Variants in SHANK1 observed in about 807,000 individuals in gnomAD.
SHANK1 encodes the protein SH3 and multiple ankyrin repeat domains 1, also known as SH3 and multiple ankyrin repeat domains protein 1.
In SHANK1, 35 loss-of-function variants were observed where a neutral mutation model predicts 165.6. The observed-to-expected ratio is 0.21, with a 90% CI of 0.16 to 0.28. SHANK1 has a LOEUF of 0.28. Ranked by LOEUF, SHANK1 falls within the 10% of genes least tolerant of loss-of-function variation. The probability of loss-of-function intolerance (pLI) is 1.00; values close to 1 mark genes in which losing one functional copy is unlikely to be tolerated. For missense variants in SHANK1, 2,681 were observed against 3,036.4 expected (o/e 0.88, Z 2.75); for synonymous variants, 1,428 against 1,384.8 (o/e 1.03, Z -0.69).
Position 50,660,053 on chromosome 19 carries a change from G to A in SHANK1, c.*1912C>T, listed in dbSNP as rs1201539731. Among the ~76,000 whole-genome samples, 1 of 151,398 alleles carries A rather than the reference G, an allele frequency of 6.6e-6. No homozygotes were observed. Among genetic ancestry groups the A allele is most frequent in the Non-Finnish European group, 1.5e-5 (1 of 67,748 alleles). ...GGAGCGCCCCCCCCTCTCGGGGGTA[G>A]GGGGCAGCAGAGGGGGAATGGGCTT... is the stretch of plus-strand genomic sequence containing the variant. On this transcript the variant is annotated 3_prime_UTR_variant, in exon 24 of 24. Coordinates refer to ENST00000293441, the MANE Select transcript of SHANK1 (RefSeq NM_016148.5).
rs1293554768 is a variant in SHANK1, at chr19:50,659,656, TC to T, written c.*2308del. ...TTCTAGGGGTTTTGTGTTTTTTTTT[TC>T]TGTTTTTTATATTTTCTTCTTTTGT... On this transcript the variant is annotated 3_prime_UTR_variant, in exon 24 of 24. Transcript: ENST00000293441. Among the ~76,000 whole-genome samples the T allele has an allele frequency of 6.6e-6, 1 of 150,940 alleles. No individual in the cohort carries two copies. The highest frequency in any genetic ancestry group is 6.6e-5 in the Admixed American group (1 of 15,166).
At position 50,676,790 on chromosome 19, in the gene SHANK1, C is replaced by T. The variant is rs116190865; in HGVS notation, c.2578-4676G>A. Among the ~76,000 whole-genome samples, 116 of 152,306 alleles carry T rather than the reference C, an allele frequency of 7.6e-4. 1 individual carries two copies. The highest frequency in any genetic ancestry group is 2.8e-3 in the African/African-American group (115 of 41,558). On this transcript the variant is annotated intron_variant, in intron 21 of 23. Coordinates refer to ENST00000293441, the MANE Select transcript of SHANK1 (RefSeq NM_016148.5). ...TTATTTGGCACCTTTTGAGAGACTA[C>T]ACTTCCCAGCTTCCTTTGCAGCTAG...
chr19:50,701,277 G>A (rs1986907342), intron 12 of SHANK1, among the ~76,000 whole-genome samples: 1 of 149,870 alleles, frequency 6.7e-6, no homozygotes, highest in Non-Finnish European at 1.5e-5. Flanking sequence ...CGCCTCCCGG[G>A]TTCAAGCAAT....
At position 50,688,668 on chromosome 19, in the gene SHANK1, G is replaced by C. The variant is rs543862601; in HGVS notation, c.2172+176C>G. Among the ~76,000 whole-genome samples, 26 of 152,304 alleles carry C rather than the reference G, an allele frequency of 1.7e-4. No individual in the cohort carries two copies. In the East Asian group the frequency reaches 3.3e-3, roughly 19 times the overall value. On this transcript the variant is annotated intron_variant, in intron 17 of 23. Coordinates refer to ENST00000293441, the MANE Select transcript of SHANK1 (RefSeq NM_016148.5). This position sits in a 1 kb window ranked among gnomAD's most constrained non-coding sequence, Gnocchi z 6.7. ...TGTGTCACTCTTTTGAGATGCCTCAGAGGCCTTTAGATGGAATCGCTGGGG... is the reference window on the plus strand; with the variant it reads ...TGTGTCACTCTTTTGAGATGCCTCACAGGCCTTTAGATGGAATCGCTGGGG...
At chr19:50,687,900 T>C in intron 18 of SHANK1, 23 bp downstream of exon 18, 1 of 1,613,520 alleles carries the variant, frequency 6.2e-7, no homozygotes, top group Non-Finnish European at 8.5e-7. Context: ...GTGGGGTGGC[T>C]GCGAGAGTGG....
In SHANK1 at chr19:50,697,181, C is replaced by T. The variant is rs946288538; in HGVS notation, c.1938-59G>A. ...GGAAAGGTGTCAGTGCACCCATCTC[C>T]TCACCCCAATCCCACCCAGCCCTGA... On this transcript the variant is annotated intron_variant, in intron 14 of 23. Transcript: ENST00000293441. This position sits in a 1 kb window ranked among gnomAD's most constrained non-coding sequence, Gnocchi z 4.7. The T allele has an allele frequency of 1.9e-4, 307 of 1,613,746 alleles. No homozygotes were observed. The highest frequency in any genetic ancestry group is 2.5e-4 in the Non-Finnish European group (300 of 1,179,850).
rs1986494924 is a variant in SHANK1 at position 50,690,066 on chromosome 19, T to G, written c.1965-787A>C. Among the ~76,000 whole-genome samples the G allele has an allele frequency of 6.6e-6, 1 of 152,186 alleles. No individual in the cohort carries two copies. The highest frequency in any genetic ancestry group is 2.1e-4 in the South Asian group (1 of 4,830). On this transcript the variant is annotated intron_variant, in intron 15 of 23. Transcript: ENST00000293441. This position sits in a 1 kb window ranked among gnomAD's most constrained non-coding sequence, Gnocchi z 4.9. ...TGCACATGGCTGGTGGCCACCACATTGGACAGTACAGATATAGAACATTTC... is the reference window on the plus strand; with the variant it reads ...TGCACATGGCTGGTGGCCACCACATGGGACAGTACAGATATAGAACATTTC...
intron 23 of SHANK1, among the ~76,000 whole-genome samples, chr19:50,663,379 G>A (rs992799554): frequency 6.6e-6 from 1 of 152,038 alleles, no homozygotes; most frequent in South Asian, 2.1e-4. Flanking sequence ...CTCCAGCACT[G>A]TCCCACCTCA....
intron 23 of SHANK1, among the ~76,000 whole-genome samples, chr19:50,665,879 C>CA (rs1347441135): frequency 6.7e-6 from 1 of 150,084 alleles, no homozygotes; most frequent in Non-Finnish European, 1.5e-5. Flanking sequence ...ACTAAAAATA[C>CA]AAAATTAGCT....
In SHANK1 at chr19:50,667,820, G is replaced by A; in HGVS notation, c.4140C>T (p.Pro1380=). The change falls in exon 23 of 24, where the codon CCC becomes CCT. Residue 1380 remains proline (P), a synonymous_variant. Transcript: ENST00000293441. This position sits in a 1 kb window ranked among gnomAD's most constrained non-coding sequence, Gnocchi z 5.7. The part of the protein sequence containing the change: ...GGGAPQPPPR[P]PSPRYEAPPP... ...GCGGGGCCTCGTAGCGGGGCGATGG[G>A]GGCCTGGGAGGCGGCTGGGGGGCCC... 1 of 1,297,510 alleles carries A rather than the reference G, an allele frequency of 7.7e-7. No homozygotes were observed. The highest frequency in any genetic ancestry group is 4.2e-5 in the Admixed American group (1 of 23,872). The allele number at this position is 1,297,510 out of a possible 1,614,324, so 80.4% of individuals were successfully genotyped here.
At chr19:50,665,817 T>A (rs1211340736) in intron 23 of SHANK1, among the ~76,000 whole-genome samples, 1 of 148,734 alleles carries the variant, frequency 6.7e-6, no homozygotes, top group South Asian at 2.1e-4. Context: ...ATGGATCACC[T>A]GAGGTTGGGA....
intron 21 of SHANK1, among the ~76,000 whole-genome samples, chr19:50,681,274 CT>C (rs1230456018): frequency 1.3e-5 from 2 of 151,968 alleles, no homozygotes; most frequent in African/African-American, 4.8e-5. Flanking sequence ...AGAGGGGGAC[CT>C]GGAGAAGGCC....
chr19:50,686,362 G>T lies in SHANK1; in HGVS notation c.2459-7C>A. On this transcript the variant is annotated splice_polypyrimidine_tract_variant and splice_region_variant and intron_variant, in intron 20 of 23. Transcript: ENST00000293441. This position sits in a 1 kb window ranked among gnomAD's most constrained non-coding sequence, Gnocchi z 5.7. The stretch of plus-strand genomic sequence containing the variant: ...AGGATTTCGTCCAGTTTGTCTAGGG[G>T]TAGATGAATGAACAGAGGTGGGAAG... 1 of 1,565,698 alleles carries T rather than the reference G, an allele frequency of 6.4e-7. No homozygotes were observed. Among genetic ancestry groups the T allele is most frequent in the African/African-American group, 1.4e-5 (1 of 73,336 alleles).
Position 50,713,773 on chromosome 19 carries a change from G to T in SHANK1, c.792+25C>A. On this transcript the variant is annotated intron_variant, in intron 6 of 23. Coordinates refer to ENST00000293441, the MANE Select transcript of SHANK1 (RefSeq NM_016148.5). This position sits in a 1 kb window ranked among gnomAD's most constrained non-coding sequence, Gnocchi z 6.2. ...AAAAGGAGAGAGGGCCCCATGGCGG[G>T]GATGGGGGGTCCCCGAAGCCTCACC... 1 of 1,610,384 alleles carries T rather than the reference G, an allele frequency of 6.2e-7. No homozygotes were observed. Among genetic ancestry groups the T allele is most frequent in the East Asian group, 2.2e-5 (1 of 44,830 alleles).
Position 50,686,890 on chromosome 19 carries a change from C to T in SHANK1, c.2390-78G>A, listed in dbSNP as rs1014026375. On this transcript the variant is annotated intron_variant, in intron 19 of 23. Transcript: ENST00000293441. The surrounding 1 kb of genome is among the most constrained non-coding windows in gnomAD (Gnocchi z 5.7). ...AGCGGGCTCGGCCTGTGGGCGTGGC[C>T]AGCAGGTGCGGGCCAGTGGGCGTGG... 6.9e-5 allele frequency: 107 copies of T among 1,556,744 alleles called. No homozygotes were observed. The highest frequency in any genetic ancestry group is 1.5e-4 in the South Asian group (13 of 87,040).
At chr19:50,677,699 C>T (rs529870236) in intron 21 of SHANK1, among the ~76,000 whole-genome samples, 3 of 152,230 alleles carry the variant, frequency 2.0e-5, no homozygotes, top group South Asian at 2.1e-4. Context: ...CAAGATGTGG[C>T]GAGCAACTCC....
intron 23 of SHANK1, among the ~76,000 whole-genome samples, chr19:50,663,563 C>T (rs767443169): frequency 6.6e-6 from 1 of 151,996 alleles, no homozygotes; most frequent in Non-Finnish European, 1.5e-5. Flanking sequence ...TTTACTGCCC[C>T]GCCCCCACTC....
rs769229190 is a variant in SHANK1 at position 50,702,457 on chromosome 19, C to T, written c.1747+10G>A. ...CAGCCCAGCCCAGGCCCTGCTTCCA[C>T]CCTGGGTACCTTTGATCTTCTCGCC... On this transcript the variant is annotated intron_variant, in intron 12 of 23. Coordinates refer to ENST00000293441, the MANE Select transcript of SHANK1 (RefSeq NM_016148.5). This position sits in a 1 kb window ranked among gnomAD's most constrained non-coding sequence, Gnocchi z 5.3. 2 of 1,605,450 alleles carry T rather than the reference C, an allele frequency of 1.2e-6. No individual in the cohort carries two copies. Among genetic ancestry groups the T allele is most frequent in the Non-Finnish European group, 8.5e-7 (1 of 1,175,586 alleles).
At chr19:50,682,759 G>A (rs1368154912) in intron 21 of SHANK1, among the ~76,000 whole-genome samples, 3 of 152,176 alleles carry the variant, frequency 2.0e-5, no homozygotes, top group African/African-American at 7.2e-5. Flanking sequence ...GAATATGGAT[G>A]GTAGCATCCT....
Sources: gnomAD v4.1 joint callset for allele counts (sites outside exome capture counted in the v4.1 genomes callset) on GRCh38, gnomAD v4.1.1 for gene constraint, Gnocchi (gnomAD v3.1) non-coding constraint, MANE v1.5 for transcripts, NCBI Gene and HGNC (gene_info 2026-07-23, HGNC 2026-07-21) for gene names.